NAV3: variants seen among roughly 807,000 people sequenced by gnomAD.
NAV3 encodes pore membrane and/or filament interacting like protein 1.
A neutral mutation model predicts 244.7 loss-of-function variants in NAV3; 87 were observed. That is an observed-to-expected ratio of 0.36 (90% CI 0.30 to 0.42). The LOEUF (loss-of-function observed/expected upper bound fraction) is 0.42, where lower values mean the gene tolerates loss of function less well. Among genes scored for constraint, NAV3 ranks in the 20% least tolerant of loss-of-function variants. The probability of loss-of-function intolerance (pLI) is 1.00; values close to 1 mark genes in which losing one functional copy is unlikely to be tolerated. For synonymous variants in NAV3, 1,126 were observed against 1,042.2 expected (o/e 1.08, Z -1.55); for missense variants, 2,663 against 2,893.3 (o/e 0.92, Z 1.83).
At chr12:78,040,447 GTTGGA>G (rs1880665559) in intron 9 of NAV3, among the ~76,000 whole-genome samples, 1 of 152,106 alleles carries the variant, frequency 6.6e-6, no homozygotes, top group South Asian at 2.1e-4. Flanking sequence ...TAAGATACCT[GTTGGA>G]TTGGAAAAAA....
At chr12:77,983,926 A>G (rs1870014960) in intron 5 of NAV3, among the ~76,000 whole-genome samples, 1 of 152,226 alleles carries the variant, frequency 6.6e-6, no homozygotes, top group African/African-American at 2.4e-5. Context: ...TTGAAATATT[A>G]AATTAACTAT....
intron 2 of NAV3, among the ~76,000 whole-genome samples, chr12:77,686,333 T>A (rs1011997002): frequency 6.6e-6 from 1 of 152,004 alleles, no homozygotes; most frequent in Non-Finnish European, 1.5e-5. Context: ...CCTCAGGTGA[T>A]CTGCTTGCAT....
At chr12:77,741,406 CAT>C (rs1868334556) in intron 2 of NAV3, among the ~76,000 whole-genome samples, 1 of 152,032 alleles carries the variant, frequency 6.6e-6, no homozygotes, top group Non-Finnish European at 1.5e-5. Context: ...TACACACACA[CAT>C]ATACTGGTCA....
intron 2 of NAV3, among the ~76,000 whole-genome samples, chr12:77,617,203 T>G (rs1202342201): frequency 6.6e-6 from 1 of 152,214 alleles, no homozygotes; most frequent in African/African-American, 2.4e-5. Context: ...ATGTGAATTT[T>G]GATATTTTTA....
upstream of NAV3, among the ~76,000 whole-genome samples, chr12:77,829,888 A>G (rs1448365716): frequency 2.0e-5 from 3 of 152,230 alleles, no homozygotes; most frequent in Non-Finnish European, 4.4e-5. Flanking sequence ...GACATTTTCT[A>G]TAAAAAATGG....
chr12:77,958,812 A>G (rs1891606219), intron 3 of NAV3, among the ~76,000 whole-genome samples: 1 of 152,138 alleles, frequency 6.6e-6, no homozygotes, highest in Non-Finnish European at 1.5e-5. Context: ...GTAGAAAAGA[A>G]GGGCCCAAGA....
intron 5 of NAV3, among the ~76,000 whole-genome samples, chr12:77,976,847 T>G (rs1868533696): frequency 6.6e-6 from 1 of 151,538 alleles, no homozygotes; most frequent in Admixed American, 6.6e-5. Flanking sequence ...TCTGGCTAAT[T>G]TTTGTATTTT....
intron 2 of NAV3, among the ~76,000 whole-genome samples, chr12:77,685,473 GCACACACACA>G (rs778398842): frequency 2.3e-5 from 1 of 42,594 alleles, no homozygotes. Context: ...GCATACACAT[GCACACACACA>G]CACACACACA....
upstream of NAV3, among the ~76,000 whole-genome samples, chr12:77,826,677 C>A (rs1873038993): frequency 6.6e-6 from 1 of 152,092 alleles, no homozygotes; most frequent in South Asian, 2.1e-4. Flanking sequence ...TAAGTGAAAA[C>A]AGCCAAAAAC....
upstream of NAV3, among the ~76,000 whole-genome samples, chr12:77,826,985 G>A (rs1278518909): frequency 1.3e-5 from 2 of 152,136 alleles, no homozygotes; most frequent in East Asian, 3.9e-4. Context: ...ACTTTGGGAG[G>A]CCAAGGCGGG....
At chr12:78,107,857 C>T (rs960935108) in intron 12 of NAV3, among the ~76,000 whole-genome samples, 1 of 151,884 alleles carries the variant, frequency 6.6e-6, no homozygotes, top group Non-Finnish European at 1.5e-5. Flanking sequence ...ATGTTACCAC[C>T]AGAGAAATCT....
chr12:78,142,678 T>C (rs1384445596), intron 20 of NAV3, among the ~76,000 whole-genome samples: 1 of 96,304 alleles, frequency 1.0e-5, no homozygotes, highest in Non-Finnish European at 2.1e-5. Context: ...TATACATATA[T>C]ATGTGTATAT....
At chr12:77,824,779 G>A (rs1380770083) in intron 2 of NAV3, among the ~76,000 whole-genome samples, 1 of 151,946 alleles carries the variant, frequency 6.6e-6, no homozygotes, top group Non-Finnish European at 1.5e-5. Context: ...TGTAATCCAA[G>A]CTACTTGGGA....
At chr12:78,017,827 T>A (rs1206259392) in intron 8 of NAV3, among the ~76,000 whole-genome samples, 1 of 152,160 alleles carries the variant, frequency 6.6e-6, no homozygotes, top group East Asian at 1.9e-4. Flanking sequence ...CTTCAGAGAT[T>A]TAACTCAACT....
chr12:77,890,751 A>T (rs1883838087), intron 1 of NAV3, among the ~76,000 whole-genome samples: 1 of 152,236 alleles, frequency 6.6e-6, no homozygotes, highest in African/African-American at 2.4e-5. Flanking sequence ...GGCTTCTTAC[A>T]CAAAGTAGTT....
Position 78,078,306 on chromosome 12 carries a change from C to G in NAV3, c.2636+19191C>G, listed in dbSNP as rs1217398845. Among the ~76,000 whole-genome samples the G allele has an allele frequency of 2.7e-5, 4 of 147,174 alleles. No individual in the cohort carries two copies. In the East Asian group the frequency reaches 6.2e-4, roughly 23 times the overall value. On this transcript the variant is annotated intron_variant, in intron 12 of 39. Transcript: ENST00000397909. Reference sequence around the variant, plus strand: ...ACCGATAACATTCTCATTCTCTTTGCTCTACATCAGACCTAATTTCTATGA... The same window carrying G: ...ACCGATAACATTCTCATTCTCTTTGGTCTACATCAGACCTAATTTCTATGA...
At chr12:78,191,806 G>A (rs1593989154) in intron 34 of NAV3, among the ~76,000 whole-genome samples, 2 of 152,116 alleles carry the variant, frequency 1.3e-5, no homozygotes, top group Non-Finnish European at 1.5e-5. Context: ...AATATGAAAG[G>A]TTTGAAAGGC....
intron 1 of NAV3, among the ~76,000 whole-genome samples, chr12:77,884,213 C>T (rs548443315): frequency 1.8e-4 from 28 of 151,634 alleles, no homozygotes; most frequent in South Asian, 8.3e-4. Context: ...GATGGATGGA[C>T]GGAGGGAAGG....
intron 2 of NAV3, among the ~76,000 whole-genome samples, chr12:77,801,940 C>T (rs1232765306): frequency 1.3e-5 from 2 of 152,144 alleles, no homozygotes; most frequent in African/African-American, 4.8e-5. Context: ...TGTATTACAT[C>T]TCTCTACTCT....
Sources: gnomAD v4.1 joint callset for allele counts (sites outside exome capture counted in the v4.1 genomes callset) on GRCh38, gnomAD v4.1.1 for gene constraint, MANE v1.5 for transcripts, NCBI Gene and HGNC (gene_info 2026-07-23, HGNC 2026-07-21) for gene names.